GP6: variants seen among roughly 807,000 people sequenced by gnomAD.
The protein encoded by GP6 is glycoprotein VI platelet.
GP6 carries 45 observed loss-of-function variants against 37.3 expected under a neutral mutation model. That is an observed-to-expected ratio of 1.21 (90% CI 0.95 to 1.55). GP6 has a LOEUF of 1.55. Among genes scored for constraint, GP6 ranks in the 40% most tolerant of loss-of-function variants. GP6 has a pLI of 0.00. For missense variants in GP6, 813 were observed against 760.2 expected (o/e 1.07, Z -0.82); for synonymous variants, 340 against 316.4 (o/e 1.07, Z -0.79).
chr19:55,030,565 A>G (rs1428919786), intron 3 of GP6, among the ~76,000 whole-genome samples: 1 of 151,726 alleles, frequency 6.6e-6, no homozygotes, highest in Admixed American at 6.6e-5. Context: ...CTGGTCTCAA[A>G]CTCCTGACCT....
intron 5 of GP6, among the ~76,000 whole-genome samples, chr19:55,022,724 C>G (rs1021649482): frequency 6.6e-6 from 1 of 152,104 alleles, no homozygotes; most frequent in East Asian, 1.9e-4. Context: ...AATAGACAGG[C>G]AGAGAGCCAA....
At chr19:55,030,591 C>T (rs1185523562) in intron 3 of GP6, among the ~76,000 whole-genome samples, 2 of 152,064 alleles carry the variant, frequency 1.3e-5, no homozygotes, top group African/African-American at 4.8e-5. Flanking sequence ...GATCCACCCA[C>T]CTCAGCCTCC....
At chr19:55,029,680 G>A (rs1447980347) in intron 3 of GP6, among the ~76,000 whole-genome samples, 6 of 149,934 alleles carry the variant, frequency 4.0e-5, no homozygotes, top group East Asian at 3.9e-4. Context: ...GTGAGCCACC[G>A]TGCCCGACCA....
chr19:55,019,344 C>T (rs541433201), intron 5 of GP6, among the ~76,000 whole-genome samples: 11 of 151,952 alleles, frequency 7.2e-5, no homozygotes, highest in African/African-American at 2.7e-4. Flanking sequence ...CTCCTGACCT[C>T]GTGATCCACC....
In GP6 at chr19:55,024,309, T is replaced by TGCACGCACACATGCACGC. The variant is rs1357661954; in HGVS notation, c.664+908_664+909insGCGTGCATGTGTGCGTGC. 3.1e-5 allele frequency among the ~76,000 whole-genome samples: 4 copies of TGCACGCACACATGCACGC among 129,950 alleles called. 1 individual carries two copies. The highest frequency in any genetic ancestry group is 4.9e-5 in the Non-Finnish European group (3 of 61,614). The allele number at this position is 129,950 out of a possible 152,430, so 85.3% of individuals were successfully genotyped here. A position where few individuals can be genotyped will look rare whatever the true frequency, so the allele number is the denominator to read the frequency against. On this transcript the variant is annotated intron_variant, in intron 5 of 7. Coordinates refer to ENST00000310373, the MANE Select transcript of GP6 (RefSeq NM_001083899.2). ...ACACATATGCACGCATGCACACACATATGCACGCACACACACATATGCACG... is the reference window on the plus strand; with the variant it reads ...ACACATATGCACGCATGCACACACATGCACGCACACATGCACGCATGCACGCACACACACATATGCACG...
At chr19:55,018,271 G>A (rs2073948090) in intron 6 of GP6, among the ~76,000 whole-genome samples, 1 of 152,198 alleles carries the variant, frequency 6.6e-6, no homozygotes, top group African/African-American at 2.4e-5. Context: ...TAGAAGATGT[G>A]CTGTGTCCAG....
chr19:55,019,900 G>A (rs899452825), intron 5 of GP6, among the ~76,000 whole-genome samples: 8 of 151,868 alleles, frequency 5.3e-5, no homozygotes, highest in African/African-American at 9.7e-5. Flanking sequence ...GGATGGTCTC[G>A]ATCTCCTGAC....
rs1332102886 is a variant in GP6, at chr19:55,015,723, C to G, written c.735G>C (p.Arg245Ser). The change falls in exon 7 of 8, where the codon AGG becomes AGC. Residue 245 changes from arginine to serine, a missense_variant. By Grantham distance (110) the Arg-to-Ser change is moderately radical. Transcript: ENST00000310373. ...ACTCCTTTGGACTGGCGGTGATACTCCTAGAAGTCTCTGGGAACCAAACAA... is the reference window on the plus strand; with the variant it reads ...ACTCCTTTGGACTGGCGGTGATACTGCTAGAAGTCTCTGGGAACCAAACAA... The G allele has an allele frequency of 2.6e-6, 4 of 1,560,274 alleles. No homozygotes were observed. Among genetic ancestry groups the G allele is most frequent in the Non-Finnish European group, 3.5e-6 (4 of 1,130,560 alleles).
At chr19:55,034,488 G>A (rs547269506) in intron 1 of GP6, among the ~76,000 whole-genome samples, 281 of 151,806 alleles carry the variant, frequency 1.9e-3, no homozygotes, top group Middle Eastern at 6.8e-3. Flanking sequence ...CCCGGGAGGC[G>A]GAGGTTGCAG....
intron 1 of GP6, among the ~76,000 whole-genome samples, chr19:55,033,126 G>A (rs1311194164): frequency 1.4e-5 from 2 of 144,702 alleles, no homozygotes; most frequent in Non-Finnish European, 3.0e-5. Context: ...CGGTGGGTTC[G>A]TTCGTGTTAG....
intron 3 of GP6, among the ~76,000 whole-genome samples, chr19:55,031,430 T>C (rs1250234464): frequency 6.6e-6 from 1 of 152,022 alleles, no homozygotes; most frequent in Non-Finnish European, 1.5e-5. Flanking sequence ...CTGGGCAGTG[T>C]AGCAAGACCC....
At position 55,028,980 on chromosome 19, in the gene GP6, G is replaced by A. The variant is rs114933509; in HGVS notation, c.326-1118C>T. Among the ~76,000 whole-genome samples the A allele has an allele frequency of 3.9e-3, 586 of 151,012 alleles. 4 individuals carry two copies. The highest frequency in any genetic ancestry group is 0.014 in the African/African-American group (564 of 40,396). ...ACTGTACACTAGCCTGGGTGACAGA[G>A]TGAGACCTTGTCTCAAAAAAAGACA... On this transcript the variant is annotated intron_variant, in intron 3 of 7. Coordinates refer to ENST00000310373, the MANE Select transcript of GP6 (RefSeq NM_001083899.2).
At chr19:55,036,073 TAAA>T (rs34534412) in intron 1 of GP6, among the ~76,000 whole-genome samples, 38 of 135,170 alleles carry the variant, frequency 2.8e-4, no homozygotes, top group Middle Eastern at 3.8e-3. Flanking sequence ...ATTCCGTCTT[TAAA>T]AAAAAAAAAA....
At chr19:55,031,040 G>A (rs925748727) in intron 3 of GP6, among the ~76,000 whole-genome samples, 1 of 151,942 alleles carries the variant, frequency 6.6e-6, no homozygotes, top group African/African-American at 2.4e-5. Flanking sequence ...TAAAGATGAG[G>A]TCTCACTATG....
Sources: gnomAD v4.1 joint callset for allele counts (sites outside exome capture counted in the v4.1 genomes callset) on GRCh38, gnomAD v4.1.1 for gene constraint, MANE v1.5 for transcripts, NCBI Gene and HGNC (gene_info 2026-07-23, HGNC 2026-07-21) for gene names.